Variants in ELP3 observed in about 807,000 individuals in gnomAD.
ELP3 encodes elongator complex protein 3.
A neutral mutation model predicts 74.9 loss-of-function variants in ELP3; 56 were observed. The ratio of observed to expected loss-of-function variants is 0.75; its 90% CI spans 0.60 to 0.93. The LOEUF (loss-of-function observed/expected upper bound fraction) is 0.93, where lower values mean the gene tolerates loss of function less well. Ranked by LOEUF, ELP3 falls within the 40% of genes least tolerant of loss-of-function variation. The pLI is 0.00. For synonymous variants in ELP3, 222 were observed against 239.8 expected (o/e 0.93, Z 0.68); for missense variants, 573 against 686.5 (o/e 0.83, Z 1.85).
intron 13 of ELP3, 99 bp from the exon 14 acceptor site, chr8:28,161,898 T>C: frequency 8.6e-7 from 1 of 1,156,326 alleles, no homozygotes; most frequent in South Asian, 1.5e-5. Flanking sequence ...TTAACAGATT[T>C]TAGCAACTAC....
At chr8:28,182,897 A>T (rs1299998298) in intron 14 of ELP3, among the ~76,000 whole-genome samples, 1 of 152,176 alleles carries the variant, frequency 6.6e-6, no homozygotes, top group Non-Finnish European at 1.5e-5. Flanking sequence ...GAGATGCTGT[A>T]CCCCTGGGTC....
chr8:28,157,959 G>T (rs1426761413), intron 11 of ELP3, among the ~76,000 whole-genome samples: 1 of 147,582 alleles, frequency 6.8e-6, no homozygotes, highest in Non-Finnish European at 1.5e-5. Context: ...ATAGCTCTAG[G>T]TTCCTCCTCC....
intron 3 of ELP3, among the ~76,000 whole-genome samples, chr8:28,103,373 G>C (rs1052587505): frequency 2.6e-4 from 40 of 152,048 alleles, no homozygotes; most frequent in African/African-American, 9.4e-4. Flanking sequence ...ATGTCTTTTT[G>C]TGACTTGGTA....
At chr8:28,116,024 A>G (rs946793589) in intron 7 of ELP3, among the ~76,000 whole-genome samples, 4 of 152,178 alleles carry the variant, frequency 2.6e-5, no homozygotes, top group African/African-American at 9.7e-5. Context: ...CTGTAAGTAA[A>G]GCAGTTCTTG....
At chr8:28,109,833 A>G (rs1211248646) in intron 5 of ELP3, among the ~76,000 whole-genome samples, 1 of 152,198 alleles carries the variant, frequency 6.6e-6, no homozygotes, top group Admixed American at 6.5e-5. Flanking sequence ...TGGATTAGGG[A>G]TGCTCAACCT....
At chr8:28,183,093 C>T (rs1163701907) in intron 14 of ELP3, 23 of 455,494 alleles carry the variant, frequency 5.0e-5, no homozygotes, top group Middle Eastern at 3.2e-4. Flanking sequence ...ATGGGTCTAT[C>T]TATAATTGAT....
At chr8:28,129,708 C>T (rs1283721391) in intron 8 of ELP3, 45 bp downstream of exon 8, 3 of 1,608,898 alleles carry the variant, frequency 1.9e-6, no homozygotes, top group South Asian at 2.2e-5. Flanking sequence ...CCTCCAAGTT[C>T]ACCATTTTCT....
Position 28,189,684 on chromosome 8 carries a change from T to C in ELP3, c.1603T>C (p.Tyr535His). 6.2e-7 allele frequency: 1 copy of C among 1,614,182 alleles called. No individual in the cohort carries two copies. Among genetic ancestry groups the C allele is most frequent in the Non-Finnish European group, 8.5e-7 (1 of 1,180,002 alleles). Reference sequence around the variant, plus strand: ...CAGGAATTATTATAGAAAGATCGGCTACAGATTACAAGGCCCGTACATGGT... The same window carrying C: ...CAGGAATTATTATAGAAAGATCGGCCACAGATTACAAGGCCCGTACATGGT... ...GTRNYYRKIG[Y>H]RLQGPYMVKM... Residue 535 changes from tyrosine to histidine, a missense_variant, in exon 15 of 15, where the codon TAC becomes CAC. Coordinates refer to ENST00000256398, the MANE Select transcript of ELP3 (RefSeq NM_018091.6).
At chr8:28,090,661 A>G (rs1219745883), upstream of ELP3, among the ~76,000 whole-genome samples, 1 of 152,098 alleles carries the variant, frequency 6.6e-6, no homozygotes, top group South Asian at 2.1e-4. Flanking sequence ...TCCCACAGAG[A>G]ACAACCAGAA....
chr8:28,106,885 A>G, intron 4 of ELP3, 102 bp downstream of exon 4: 1 of 803,536 alleles, frequency 1.2e-6, no homozygotes, highest in Admixed American at 2.4e-5. Flanking sequence ...TTAAAACTTC[A>G]GCTTAATAGA....
At chr8:28,090,903 CCTTTTTTTTTTTT>C (rs941177826), upstream of ELP3, among the ~76,000 whole-genome samples, 6 of 53,146 alleles carry the variant, frequency 1.1e-4, no homozygotes, top group African/African-American at 4.9e-4. Context: ...GTAAATGTTT[CCTTTTTTTTTTTT>C]TTTTTTTTGA....
At chr8:28,188,452 C>T (rs1317317316) in intron 14 of ELP3, among the ~76,000 whole-genome samples, 1 of 152,098 alleles carries the variant, frequency 6.6e-6, no homozygotes, top group African/African-American at 2.4e-5. Flanking sequence ...AGGGTTGAAC[C>T]TTCAGCCCCA....
intron 14 of ELP3, among the ~76,000 whole-genome samples, chr8:28,187,859 CTG>C (rs912199439): frequency 6.6e-6 from 1 of 152,192 alleles, no homozygotes; most frequent in African/African-American, 2.4e-5. Context: ...GTGGACGAAT[CTG>C]AGGCTCAAGG....
upstream of ELP3, among the ~76,000 whole-genome samples, chr8:28,091,389 C>A (rs1811050139): frequency 6.6e-6 from 1 of 152,082 alleles, no homozygotes; most frequent in African/African-American, 2.4e-5. Context: ...CTTTGGAATG[C>A]CCTGGGCTGA....
rs1241376932 is a variant in ELP3 at position 28,156,022 on chromosome 8, T to A, written c.1181T>A (p.Leu394His). Reference protein sequence around the residue: ...RELALARMKDLGIQCRDVRTR... With the variant: ...RELALARMKDHGIQCRDVRTR... ...CTGGCACTTGCAAGAATGAAAGACC[T>A]CGGAATACAGGTAAGAGCAAATATG... The change falls in exon 11 of 15, where the codon CTC becomes CAC. Residue 394 changes from leucine to histidine, a missense_variant. Physicochemically the swap from Leu to His is moderately conservative, Grantham distance 99. Transcript: ENST00000256398. 2 of 1,613,372 alleles carry A rather than the reference T, an allele frequency of 1.2e-6. No homozygotes were observed. Among genetic ancestry groups the A allele is most frequent in the South Asian group, 2.2e-5 (2 of 91,054 alleles).
At chr8:28,128,303 G>A (rs970652986) in intron 7 of ELP3, among the ~76,000 whole-genome samples, 1 of 151,940 alleles carries the variant, frequency 6.6e-6, no homozygotes, top group Admixed American at 6.6e-5. Context: ...GTGAAACCCC[G>A]TCTCTACTAA....
In ELP3 at chr8:28,180,253, C is replaced by G. The variant is rs1049012931; in HGVS notation, c.1568-9396C>G. ...TTCTCCCTCACCTCTCTTCCTGTGACTCCAGTTAAACATATTTTAGACATA... is the reference window on the plus strand; with the variant it reads ...TTCTCCCTCACCTCTCTTCCTGTGAGTCCAGTTAAACATATTTTAGACATA... On this transcript the variant is annotated intron_variant, in intron 14 of 14. Transcript: ENST00000256398. 2.6e-5 allele frequency among the ~76,000 whole-genome samples: 4 copies of G among 152,272 alleles called. No individual in the cohort carries two copies. The South Asian group carries it at 8.3e-4, about 32-fold the overall frequency.
intron 10 of ELP3, among the ~76,000 whole-genome samples, chr8:28,153,135 A>G (rs897873072): frequency 1.3e-5 from 2 of 152,190 alleles, no homozygotes; most frequent in African/African-American, 4.8e-5. Context: ...TGGGGTTTAC[A>G]TGTCATTTGC....
chr8:28,138,385 T>C (rs1431967551), intron 10 of ELP3, among the ~76,000 whole-genome samples: 7 of 152,228 alleles, frequency 4.6e-5, no homozygotes, highest in African/African-American at 1.4e-4. Context: ...GCTTTCTTCC[T>C]AGAAAAGAGA....
Sources: gnomAD v4.1 joint callset for allele counts (sites outside exome capture counted in the v4.1 genomes callset) on GRCh38, gnomAD v4.1.1 for gene constraint, MANE v1.5 for transcripts, NCBI Gene and HGNC (gene_info 2026-07-23, HGNC 2026-07-21) for gene names.